The following ZNF407 variants were observed in gnomAD, a reference collection of about 807,000 sequenced individuals.
ZNF407 encodes the protein zinc finger protein 407.
A neutral mutation model predicts 131.2 loss-of-function variants in ZNF407; 17 were observed. The ratio of observed to expected loss-of-function variants is 0.13; its 90% CI spans 0.09 to 0.19. The LOEUF is 0.19. Among genes scored for constraint, ZNF407 ranks in the 10% least tolerant of loss-of-function variants. The pLI is 1.00. For missense variants in ZNF407, 2,681 were observed against 2,830.6 expected, an observed-to-expected ratio of 0.95 and a Z score of 1.20; for synonymous variants, 1,156 against 1,062.0, an observed-to-expected ratio of 1.09 and a Z score of -1.72.
At chr18:74,784,286 G>C (rs1969663447) in intron 4 of ZNF407, among the ~76,000 whole-genome samples, 1 of 152,086 alleles carries the variant, frequency 6.6e-6, no homozygotes, top group South Asian at 2.1e-4. Flanking sequence ...GCATATTATA[G>C]CAAATAGTAA....
chr18:75,002,730 G>A (rs936567923), intron 8 of ZNF407, among the ~76,000 whole-genome samples: 10 of 151,546 alleles, frequency 6.6e-5, no homozygotes, highest in East Asian at 3.9e-4. Flanking sequence ...GCGTGAACCC[G>A]GGAGGTGGAG....
intron 8 of ZNF407, among the ~76,000 whole-genome samples, chr18:75,006,286 T>C (rs1335820170): frequency 1.3e-5 from 2 of 152,240 alleles, no homozygotes; most frequent in African/African-American, 4.8e-5. Context: ...TTATGTTTGA[T>C]CATTTCTACT....
chr18:74,894,653 G>A (rs1251982413), intron 7 of ZNF407, among the ~76,000 whole-genome samples: 1 of 151,932 alleles, frequency 6.6e-6, no homozygotes, highest in African/African-American at 2.4e-5. Flanking sequence ...GATTTATAGG[G>A]GATATATAAT....
intron 1 of ZNF407, among the ~76,000 whole-genome samples, chr18:74,617,802 G>T (rs1318698657): frequency 6.6e-6 from 1 of 152,342 alleles, no homozygotes; most frequent in East Asian, 1.9e-4. Flanking sequence ...TAATAAGCAG[G>T]TTATGGGGAG....
chr18:74,668,450 T>A (rs1035030708), intron 3 of ZNF407, among the ~76,000 whole-genome samples: 2 of 152,248 alleles, frequency 1.3e-5, no homozygotes, highest in African/African-American at 4.8e-5. Flanking sequence ...TGAATTGTTC[T>A]GTTCATCACA....
chr18:74,972,762 T>G (rs1972486353), intron 8 of ZNF407, among the ~76,000 whole-genome samples: 1 of 147,594 alleles, frequency 6.8e-6, no homozygotes, highest in South Asian at 2.1e-4. Context: ...TAGCCAATCC[T>G]GCTTTAAAAA....
At chr18:74,922,831 C>A (rs901193079) in intron 8 of ZNF407, among the ~76,000 whole-genome samples, 1 of 152,182 alleles carries the variant, frequency 6.6e-6, no homozygotes, top group African/African-American at 2.4e-5. Context: ...CAGCTGTAGG[C>A]ATGACCTTCG....
intron 4 of ZNF407, among the ~76,000 whole-genome samples, chr18:74,791,316 T>G (rs1319718063): frequency 2.6e-5 from 4 of 152,356 alleles, no homozygotes; most frequent in African/African-American, 9.6e-5. Flanking sequence ...CAAACTAATT[T>G]TATATAGAAA....
At chr18:75,024,501 G>C (rs1019998794) in intron 8 of ZNF407, among the ~76,000 whole-genome samples, 1 of 152,154 alleles carries the variant, frequency 6.6e-6, no homozygotes, top group Non-Finnish European at 1.5e-5. Context: ...CCTATTAACC[G>C]TGTTCATTTT....
At chr18:74,848,994 C>T (rs1470709805) in intron 4 of ZNF407, among the ~76,000 whole-genome samples, 4 of 150,340 alleles carry the variant, frequency 2.7e-5, no homozygotes, top group African/African-American at 4.9e-5. Context: ...TTTGAAGTCA[C>T]ATGAATTTGG....
chr18:74,634,650 G>A lies in ZNF407; in HGVS notation c.3631G>A (p.Glu1211Lys). 2 of 1,613,994 alleles carry A rather than the reference G, an allele frequency of 1.2e-6. No individual in the cohort carries two copies. Among genetic ancestry groups the A allele is most frequent in the Non-Finnish European group, 1.7e-6 (2 of 1,179,898 alleles). Residue 1211 changes from glutamate (E) to lysine (K), a missense_variant, in exon 2 of 9, where the codon GAG becomes AAG. Physicochemically the swap from Glu to Lys is moderately conservative, Grantham distance 56. Coordinates refer to ENST00000299687, the MANE Select transcript of ZNF407 (RefSeq NM_017757.3). ...ENSGSSALNC[E>K]TAKKNHEISN... ...TTCAGGAAGCTCTGCCTTAAATTGT[G>A]AGACAGCAAAGAAAAACCATGAGAT... is the stretch of plus-strand genomic sequence containing the variant.
intron 4 of ZNF407, among the ~76,000 whole-genome samples, chr18:74,862,962 C>T (rs1385852619): frequency 2.6e-5 from 4 of 151,078 alleles, no homozygotes; most frequent in African/African-American, 9.7e-5. Flanking sequence ...CTCTTATTGC[C>T]CAGGCTGGAG....
chr18:74,762,125 T>C lies in ZNF407; in HGVS notation c.4803-19303T>C, dbSNP rs558320773. On this transcript the variant is annotated intron_variant, in intron 3 of 8. Transcript: ENST00000299687. Reference sequence around the variant, plus strand: ...TTGACAGTGTTACCATCCCTCTGCTTGCAAGATATTTACTGTTTATCCTTT... The same window carrying C: ...TTGACAGTGTTACCATCCCTCTGCTCGCAAGATATTTACTGTTTATCCTTT... 1.2e-4 allele frequency among the ~76,000 whole-genome samples: 18 copies of C among 152,154 alleles called. No individual in the cohort carries two copies. In the East Asian group the frequency reaches 2.9e-3, roughly 25 times the overall value.
In ZNF407 at chr18:75,064,289, G is replaced by A. The variant is rs199702750; in HGVS notation, c.6568G>A (p.Val2190Met). ...QDEPGLYSHT[V>M]LETADSQELL... is the part of the protein sequence containing the mutation. ...CGAGCCGGGCCTGTACTCCCACACC[G>A]TGCTGGAGACTGCGGACTCGCAGGA... Residue 2190 changes from valine to methionine, a missense_variant, in exon 9 of 9, where the codon GTG becomes ATG. This residue lies in a region of ZNF407 where 620 missense variants were observed against 583.1 expected (regional missense o/e 1.06). Transcript: ENST00000299687. 27 of 1,604,528 alleles carry A rather than the reference G, an allele frequency of 1.7e-5. No individual in the cohort carries two copies. The highest frequency in any genetic ancestry group is 1.7e-4 in the Middle Eastern group (1 of 6,030).
intron 8 of ZNF407, among the ~76,000 whole-genome samples, chr18:74,969,507 G>C (rs1017261693): frequency 6.6e-6 from 1 of 152,164 alleles, no homozygotes; most frequent in African/African-American, 2.4e-5. Context: ...ATTTCAGTTT[G>C]CTTGTTTGAT....
intron 3 of ZNF407, among the ~76,000 whole-genome samples, chr18:74,713,372 T>C (rs1001561544): frequency 9.3e-5 from 14 of 151,040 alleles, no homozygotes; most frequent in Non-Finnish European, 4.4e-5. Flanking sequence ...TTTTTTTTTT[T>C]TTTTTTTTTT....
intron 1 of ZNF407, among the ~76,000 whole-genome samples, chr18:74,606,139 G>A (rs1982796532): frequency 6.6e-6 from 1 of 152,130 alleles, no homozygotes; most frequent in African/African-American, 2.4e-5. Context: ...ATAAATGAGA[G>A]CAGTTTAAGG....
intron 3 of ZNF407, among the ~76,000 whole-genome samples, chr18:74,704,970 C>G (rs1317849091): frequency 1.3e-5 from 2 of 152,076 alleles, no homozygotes; most frequent in African/African-American, 4.8e-5. Context: ...CCACATAGAC[C>G]CCAGTATTAG....
chr18:74,851,489 G>T (rs1970782510), intron 4 of ZNF407, among the ~76,000 whole-genome samples: 1 of 152,124 alleles, frequency 6.6e-6, no homozygotes, highest in Non-Finnish European at 1.5e-5. Context: ...TACATTATCA[G>T]AAACTTGGGA....
Sources: allele counts gnomAD v4.1 joint callset (sites outside exome capture counted in the v4.1 genomes callset), GRCh38; gene constraint gnomAD v4.1.1; regional missense constraint gnomAD v4.1.1; transcripts MANE v1.5; gene names NCBI Gene and HGNC (gene_info 2026-07-23, HGNC 2026-07-21).